IFT81: variants seen among roughly 807,000 people sequenced by gnomAD.
IFT81 encodes intraflagellar transport protein 81 homolog.
A neutral mutation model predicts 102.6 loss-of-function variants in IFT81; 72 were observed. The ratio of observed to expected loss-of-function variants is 0.70; its 90% CI spans 0.58 to 0.85. The LOEUF is 0.85. Among genes scored for constraint, IFT81 ranks in the 40% least tolerant of loss-of-function variants. The probability of loss-of-function intolerance (pLI) is 0.00; values close to 1 mark genes in which losing one functional copy is unlikely to be tolerated. For synonymous variants in IFT81, 237 were observed against 242.7 expected, an observed-to-expected ratio of 0.98 and a Z score of 0.22; for missense variants, 723 against 787.3, an observed-to-expected ratio of 0.92 and a Z score of 0.98.
At chr12:110,190,898 C>T (rs1271508451) in intron 12 of IFT81, 22 bp from the exon 13 acceptor site, 3 of 1,479,900 alleles carry the variant, frequency 2.0e-6, no homozygotes, top group South Asian at 3.0e-5. Flanking sequence ...TGTTTTGTGG[C>T]CTTTTTATTT....
intron 10 of IFT81, among the ~76,000 whole-genome samples, chr12:110,161,010 C>CT (rs1251091262): frequency 6.6e-6 from 1 of 151,612 alleles, no homozygotes; most frequent in Non-Finnish European, 1.5e-5. Context: ...TCATATTTCT[C>CT]TATTAAGTAA....
At chr12:110,207,879 A>G (rs1868884178) in intron 17 of IFT81, among the ~76,000 whole-genome samples, 1 of 152,066 alleles carries the variant, frequency 6.6e-6, no homozygotes, top group South Asian at 2.1e-4. Flanking sequence ...TTTGTCTTAA[A>G]TAGTATTGAA....
intron 11 of IFT81, among the ~76,000 whole-genome samples, chr12:110,179,410 G>C (rs763502404): frequency 6.6e-6 from 1 of 151,736 alleles, no homozygotes; most frequent in South Asian, 2.1e-4. Context: ...AAAATGAATA[G>C]CTTTTATATA....
chr12:110,172,987 G>A (rs549250685), intron 11 of IFT81, among the ~76,000 whole-genome samples: 2 of 149,478 alleles, frequency 1.3e-5, no homozygotes, highest in Non-Finnish European at 3.0e-5. Context: ...CAGGAGGGAG[G>A]TGGGGGGGTC....
chr12:110,151,507 G>A (rs944500324), intron 10 of IFT81, among the ~76,000 whole-genome samples: 2 of 151,992 alleles, frequency 1.3e-5, no homozygotes, highest in Admixed American at 6.6e-5. Context: ...ACAAGTTTTT[G>A]TGTGGATATA....
intron 10 of IFT81, among the ~76,000 whole-genome samples, chr12:110,158,979 C>T (rs1156339494): frequency 6.6e-6 from 1 of 152,172 alleles, no homozygotes; most frequent in Non-Finnish European, 1.5e-5. Flanking sequence ...GCCTCAGCCT[C>T]CCAAAGTGCT....
At chr12:110,208,007 T>C (rs1391309843) in intron 17 of IFT81, among the ~76,000 whole-genome samples, 3 of 152,130 alleles carry the variant, frequency 2.0e-5, no homozygotes, top group Admixed American at 2.0e-4. Context: ...CATTATGAAG[T>C]AGTGTGCACA....
At chr12:110,211,938 A>G (rs1277532530) in intron 18 of IFT81, among the ~76,000 whole-genome samples, 1 of 152,196 alleles carries the variant, frequency 6.6e-6, no homozygotes. Flanking sequence ...GTAAATGATT[A>G]TATATTTATT....
chr12:110,193,708 A>C (rs1176449129), intron 14 of IFT81, among the ~76,000 whole-genome samples: 1 of 152,198 alleles, frequency 6.6e-6, no homozygotes, highest in Non-Finnish European at 1.5e-5. Flanking sequence ...AACTTACTTT[A>C]ATGGACAACC....
intron 5 of IFT81, 74 bp downstream of exon 5, chr12:110,132,710 G>C: frequency 1.3e-6 from 1 of 766,256 alleles, no homozygotes; most frequent in Non-Finnish European, 2.2e-6. Flanking sequence ...TATTAATTCA[G>C]TATGAGTCTT....
At position 110,180,510 on chromosome 12, in the gene IFT81, G is replaced by A; in HGVS notation, c.1277G>A (p.Gly426Asp). ...ATAGCTGAACTTAAAGCTGAATTCGGTCTTTTGCAGAGGACTGAAGAACTT... is the reference window on the plus strand; with the variant it reads ...ATAGCTGAACTTAAAGCTGAATTCGATCTTTTGCAGAGGACTGAAGAACTT... ...QIIAELKAEFGLLQRTEELLK... is the reference protein window; with the variant it reads ...QIIAELKAEFDLLQRTEELLK... Residue 426 changes from glycine (G) to aspartate (D), a missense_variant, in exon 12 of 19, where the codon GGT (glycine) becomes GAT (aspartate). Physicochemically the swap from Gly to Asp is moderately conservative, Grantham distance 94. Coordinates refer to ENST00000242591, the MANE Select transcript of IFT81 (RefSeq NM_014055.4). The A allele has an allele frequency of 1.2e-6, 2 of 1,610,810 alleles. No homozygotes were observed. Among genetic ancestry groups the A allele is most frequent in the East Asian group, 4.5e-5 (2 of 44,750 alleles).
chr12:110,164,252 T>A (rs1430030370), intron 11 of IFT81, among the ~76,000 whole-genome samples: 6 of 152,194 alleles, frequency 3.9e-5, no homozygotes, highest in Non-Finnish European at 7.4e-5. Flanking sequence ...CTCATAAGAT[T>A]AGTGGGACAA....
intron 10 of IFT81, among the ~76,000 whole-genome samples, chr12:110,153,494 T>C (rs991930732): frequency 6.6e-6 from 1 of 151,784 alleles, no homozygotes; most frequent in African/African-American, 2.4e-5. Flanking sequence ...CTGCCTCGGC[T>C]GCCAAAGTGC....
intron 11 of IFT81, among the ~76,000 whole-genome samples, chr12:110,164,579 C>A (rs987711538): frequency 6.6e-6 from 1 of 152,068 alleles, no homozygotes; most frequent in African/African-American, 2.4e-5. Context: ...TGGCAGTGAA[C>A]CTTCACTGTG....
intron 10 of IFT81, 31 bp downstream of exon 10, chr12:110,147,079 G>A: frequency 6.5e-7 from 1 of 1,534,378 alleles, no homozygotes; most frequent in Non-Finnish European, 8.9e-7. Context: ...CACATATTTA[G>A]ATCTGTAAGC....
intron 4 of IFT81, among the ~76,000 whole-genome samples, chr12:110,131,416 G>A (rs11065115): frequency 6.6e-6 from 1 of 151,110 alleles, no homozygotes; most frequent in Non-Finnish European, 1.5e-5. Context: ...GTGTGATCTC[G>A]GCTCACTGCA....
chr12:110,138,260 CAT>C (rs1184507993), intron 8 of IFT81, among the ~76,000 whole-genome samples: 2 of 152,154 alleles, frequency 1.3e-5, no homozygotes, highest in Non-Finnish European at 2.9e-5. Flanking sequence ...GTAGATTAAA[CAT>C]ATTTAATTGA....
intron 11 of IFT81, among the ~76,000 whole-genome samples, chr12:110,169,656 G>A (rs2137468575): frequency 6.6e-6 from 1 of 152,220 alleles, no homozygotes; most frequent in Admixed American, 6.5e-5. Flanking sequence ...TCCGCCTCCC[G>A]GGTTCAAGCG....
chr12:110,142,874 G>C (rs1216978811), intron 8 of IFT81, among the ~76,000 whole-genome samples: 3 of 152,048 alleles, frequency 2.0e-5, no homozygotes, highest in African/African-American at 4.8e-5. Context: ...CTACACTCTA[G>C]CCTGGGTGAC....
Sources: gnomAD v4.1 joint callset for allele counts (sites outside exome capture counted in the v4.1 genomes callset) on GRCh38, gnomAD v4.1.1 for gene constraint, MANE v1.5 for transcripts, NCBI Gene and HGNC (gene_info 2026-07-23, HGNC 2026-07-21) for gene names.